The following C19orf18 variants were observed in gnomAD, a reference collection of about 807,000 sequenced individuals.
C19orf18 encodes the protein chromosome 19 open reading frame 18.
In C19orf18, 21 loss-of-function variants were observed where a neutral mutation model predicts 23.3. The ratio of observed to expected loss-of-function variants is 0.90; its 90% CI spans 0.64 to 1.30. The LOEUF is 1.30. C19orf18 is among the 50% of genes most tolerant of loss of function. The pLI, the probability that C19orf18 is intolerant of heterozygous loss-of-function variation, is 0.00. For synonymous variants in C19orf18, 96 were observed against 95.2 expected (o/e 1.01, Z -0.05); for missense variants, 249 against 259.6 (o/e 0.96, Z 0.28).
In C19orf18 at chr19:57,964,719, A is replaced by C. The variant is rs2072896706; in HGVS notation, c.371+1811T>G. Among the ~76,000 whole-genome samples, 8 of 152,212 alleles carry C rather than the reference A, an allele frequency of 5.3e-5. No homozygotes were observed. In the South Asian group the frequency reaches 1.4e-3, roughly 28 times the overall value. On this transcript the variant is annotated intron_variant, in intron 4 of 5. Coordinates refer to ENST00000314391, the MANE Select transcript of C19orf18 (RefSeq NM_152474.5). ...ATGTGACCTACTCCAAGGTGGTCTTAACATAGCTGCCTCAGAAAATATCTC... is the reference window on the plus strand; with the variant it reads ...ATGTGACCTACTCCAAGGTGGTCTTCACATAGCTGCCTCAGAAAATATCTC...
chr19:57,972,603 C>T (rs2123237025), intron 2 of C19orf18, 99 bp from the exon 3 acceptor site: 4 of 1,299,774 alleles, frequency 3.1e-6, no homozygotes, highest in Non-Finnish European at 4.4e-6. Flanking sequence ...GAGAAGGACG[C>T]CGAACACACA....
At position 57,958,442 on chromosome 19, in the gene C19orf18, A is replaced by T. The variant is rs987849211; in HGVS notation, c.*160T>A. On this transcript the variant is annotated 3_prime_UTR_variant, in exon 6 of 6. Transcript: ENST00000314391. Reference sequence around the variant, plus strand: ...TGAGAGCCAATAAGCAAGAGTTGCTATATCATGTGGCTTTATTTTCTGGGA... The same window carrying T: ...TGAGAGCCAATAAGCAAGAGTTGCTTTATCATGTGGCTTTATTTTCTGGGA... 4 of 545,956 alleles carry T rather than the reference A, an allele frequency of 7.3e-6. No homozygotes were observed. The African/African-American group carries it at 7.9e-5, about 11-fold the overall frequency. 33.8% of individuals were successfully genotyped at this position (545,956 alleles called of 1,614,324 possible). A position where few individuals can be genotyped will look rare whatever the true frequency, so the allele number is the denominator to read the frequency against.
chr19:57,963,272 G>A lies in C19orf18; in HGVS notation c.372-1721C>T, dbSNP rs4378712. Among the ~76,000 whole-genome samples, 684 of 151,780 alleles carry A rather than the reference G, an allele frequency of 4.5e-3. 5 individuals are homozygous for A. The highest frequency in any genetic ancestry group is 0.016 in the African/African-American group (663 of 41,430). On this transcript the variant is annotated intron_variant, in intron 4 of 5. Transcript: ENST00000314391. ...TCGAACTCCCAACCTCAGGTGACCCGCCCACCTCGGCCTCCCAAAGTGCTG... is the reference window on the plus strand; with the variant it reads ...TCGAACTCCCAACCTCAGGTGACCCACCCACCTCGGCCTCCCAAAGTGCTG...
rs1374098543 is a variant in C19orf18, at chr19:57,958,712, T to C, written c.538A>G (p.Ile180Val). 29 of 1,498,030 alleles carry C rather than the reference T, an allele frequency of 1.9e-5. No individual in the cohort carries two copies. Among genetic ancestry groups the C allele is most frequent in the Non-Finnish European group, 2.5e-5 (27 of 1,087,802 alleles). The allele number at this position is 1,498,030 out of a possible 1,614,324, so 92.8% of individuals were successfully genotyped here. A position where few individuals can be genotyped will look rare whatever the true frequency, so the allele number is the denominator to read the frequency against. ...TTAATATTTTTGCTTCTTTTTGATA[T>C]AATAACTAAAATGTAGAAATGATGT... ...ELEKFIHSVI[I>V]SKRSKNIKKK... The change falls in exon 6 of 6, where the codon ATA (isoleucine) becomes GTA (valine). Residue 180 changes from isoleucine to valine, a missense_variant. Physicochemically the swap from Ile to Val is conservative, Grantham distance 29. Coordinates refer to ENST00000314391, the MANE Select transcript of C19orf18 (RefSeq NM_152474.5).
intron 5 of C19orf18, among the ~76,000 whole-genome samples, chr19:57,959,109 T>C (rs892691932): frequency 1.3e-5 from 2 of 152,170 alleles, no homozygotes; most frequent in African/African-American, 4.8e-5. Flanking sequence ...AGTGAGTCCA[T>C]GTGAGGATGG....
In C19orf18 at chr19:57,974,502, C is replaced by G. The variant is rs1362428461; in HGVS notation, c.-70G>C. The G allele has an allele frequency of 6.4e-7, 1 of 1,567,350 alleles. No individual in the cohort carries two copies. On this transcript the variant is annotated 5_prime_UTR_variant, in exon 1 of 6. Transcript: ENST00000314391. ...ACTTAGCTACAGTCCAGCATCTGTC[C>G]TCTATTTATCTGAGGAATCAAGAAG... is the stretch of plus-strand genomic sequence containing the variant.
At chr19:57,972,797 C>T (rs2072953806) in intron 2 of C19orf18, among the ~76,000 whole-genome samples, 1 of 152,058 alleles carries the variant, frequency 6.6e-6, no homozygotes, top group African/African-American at 2.4e-5. Context: ...TGCAGTCATA[C>T]AAGTTGGGAA....
At chr19:57,970,656 C>A (rs1034259191) in intron 3 of C19orf18, among the ~76,000 whole-genome samples, 2 of 152,018 alleles carry the variant, frequency 1.3e-5, no homozygotes, top group African/African-American at 4.8e-5. Flanking sequence ...TCTCTGCTCA[C>A]TTCAACCTCA....
At position 57,966,165 on chromosome 19, in the gene C19orf18, T is replaced by G. The variant is rs532673222; in HGVS notation, c.371+365A>C. On this transcript the variant is annotated intron_variant, in intron 4 of 5. Coordinates refer to ENST00000314391, the MANE Select transcript of C19orf18 (RefSeq NM_152474.5). ...GCTAATTTTTTGTATTTTTAGTAGA[T>G]ACGGGGTTTCACCGTGTTAGCCAGG... Among the ~76,000 whole-genome samples, 672 of 152,020 alleles carry G rather than the reference T, an allele frequency of 4.4e-3. 2 individuals are homozygous for G. Among genetic ancestry groups the G allele is most frequent in the Non-Finnish European group, 7.2e-3 (488 of 67,950 alleles).
intron 4 of C19orf18, among the ~76,000 whole-genome samples, chr19:57,961,873 CTCT>C (rs1324359715): frequency 6.6e-6 from 1 of 151,912 alleles, no homozygotes; most frequent in Non-Finnish European, 1.5e-5. Flanking sequence ...CCATTCCTTT[CTCT>C]TCTCTTTTTC....
At chr19:57,967,627 C>G (rs1328268847) in intron 3 of C19orf18, among the ~76,000 whole-genome samples, 1 of 152,032 alleles carries the variant, frequency 6.6e-6, no homozygotes, top group Non-Finnish European at 1.5e-5. Context: ...TGGCAGGTGC[C>G]TGTAATCCCA....
At position 57,974,086 on chromosome 19, in the gene C19orf18, T is replaced by C; in HGVS notation, c.226+13A>G. 6.2e-7 allele frequency: 1 copy of C among 1,610,588 alleles called. No individual in the cohort carries two copies. Among genetic ancestry groups the C allele is most frequent in the Non-Finnish European group, 8.5e-7 (1 of 1,176,828 alleles). On this transcript the variant is annotated intron_variant, in intron 2 of 5. Transcript: ENST00000314391. ...GATTCTCACTCCACTGAATGAGGAA[T>C]TCAATGACTCACCCGTGGATCTCGA...
chr19:57,962,842 A>C (rs561571348), intron 4 of C19orf18, among the ~76,000 whole-genome samples: 82 of 151,184 alleles, frequency 5.4e-4, no homozygotes, highest in African/African-American at 1.9e-3. Context: ...GGCCAACAAG[A>C]GTGAAACTCC....
chr19:57,966,232 C>T (rs1337491171), intron 4 of C19orf18, among the ~76,000 whole-genome samples: 1 of 152,160 alleles, frequency 6.6e-6, no homozygotes, highest in African/African-American at 2.4e-5. Flanking sequence ...CCGCCTCGGC[C>T]TTCCAAAGTG....
chr19:57,968,357 A>G (rs561175679), intron 3 of C19orf18, among the ~76,000 whole-genome samples: 1 of 152,330 alleles, frequency 6.6e-6, no homozygotes, highest in South Asian at 2.1e-4. Context: ...AGACCAGAGC[A>G]TGCAGGAAAG....
chr19:57,967,633 T>C (rs2072917645), intron 3 of C19orf18, among the ~76,000 whole-genome samples: 1 of 151,912 alleles, frequency 6.6e-6, no homozygotes, highest in South Asian at 2.1e-4. Flanking sequence ...GTGCCTGTAA[T>C]CCCAGCTACT....
intron 3 of C19orf18, among the ~76,000 whole-genome samples, chr19:57,968,012 A>AC (rs2072920116): frequency 7.7e-6 from 1 of 129,038 alleles, no homozygotes; most frequent in South Asian, 2.3e-4. Context: ...ACCCTGTCTC[A>AC]AAAAAAGAAA....
chr19:57,961,247 AAAGAAAGAAAGGAAGG>A, intron 5 of C19orf18, 128 bp downstream of exon 5: 12 of 953,560 alleles, frequency 1.3e-5, no homozygotes, highest in South Asian at 1.9e-5. Context: ...AAAAAAAATG[AAAGAAAGAAAGGAAGG>A]AAGAAAGAAA....
chr19:57,963,895 A>T (rs2072890780), intron 4 of C19orf18, among the ~76,000 whole-genome samples: 1 of 152,164 alleles, frequency 6.6e-6, no homozygotes. Flanking sequence ...GTCTCTAAAA[A>T]AATAAAAATA....
Sources: allele counts gnomAD v4.1 joint callset (sites outside exome capture counted in the v4.1 genomes callset), GRCh38; gene constraint gnomAD v4.1.1; transcripts MANE v1.5; gene names NCBI Gene and HGNC (gene_info 2026-07-23, HGNC 2026-07-21).